UVRAG: variants seen among roughly 807,000 people sequenced by gnomAD.
UVRAG encodes UV radiation resistance associated.
A neutral mutation model predicts 78.0 loss-of-function variants in UVRAG; 19 were observed. The observed-to-expected ratio is 0.24, with a 90% CI of 0.17 to 0.36. The LOEUF is 0.36. UVRAG is among the 10% of genes least tolerant of loss of function. The probability of loss-of-function intolerance (pLI) is 1.00; values close to 1 mark genes in which losing one functional copy is unlikely to be tolerated. For missense variants in UVRAG, 740 were observed against 853.8 expected, an observed-to-expected ratio of 0.87 and a Z score of 1.66; for synonymous variants, 323 against 324.6, an observed-to-expected ratio of 1.00 and a Z score of 0.05.
At chr11:75,836,765 A>C (rs189990957) in intron 1 of UVRAG, among the ~76,000 whole-genome samples, 1 of 152,306 alleles carries the variant, frequency 6.6e-6, no homozygotes, top group East Asian at 1.9e-4. Flanking sequence ...AAAGCATTAA[A>C]CTTTAACATG....
At chr11:75,942,076 A>C (rs555260285) in intron 6 of UVRAG, 1 of 152,334 alleles carries the variant, frequency 6.6e-6, no homozygotes, top group South Asian at 2.1e-4. Context: ...TTTGAATACT[A>C]CATTGCAAAA....
intron 11 of UVRAG, chr11:76,013,168 T>C (rs1234234496): frequency 6.6e-6 from 1 of 152,148 alleles, no homozygotes; most frequent in African/African-American, 2.4e-5. Context: ...GTCCAACATA[T>C]AAATCAAAGG....
At chr11:75,823,330 G>T (rs76816357) in intron 1 of UVRAG, among the ~76,000 whole-genome samples, 3,842 of 152,210 alleles carry the variant, frequency 0.025, 152 homozygotes, top group African/African-American at 0.084. Context: ...AGTGAGATCT[G>T]TGCTCCCCCT....
intron 12 of UVRAG, among the ~76,000 whole-genome samples, chr11:76,049,231 C>T (rs146730130): frequency 6.6e-6 from 1 of 152,284 alleles, no homozygotes; most frequent in East Asian, 1.9e-4. Flanking sequence ...GGAATCTGAC[C>T]CTGAGCATGA....
rs934507475 is a variant in UVRAG at position 76,093,064 on chromosome 11, T to C, written c.1306-22860T>C. 5.3e-5 allele frequency among the ~76,000 whole-genome samples: 8 copies of C among 152,346 alleles called. No homozygotes were observed. The Middle Eastern group carries it at 0.01, about 194-fold the overall frequency. ...CAGCTTTCTACGTATGGCTAGCCAG[T>C]TTTCCCAGCACCATTTACTAAATAG... On this transcript the variant is annotated intron_variant, in intron 13 of 14. Transcript: ENST00000356136.
chr11:75,892,420 A>T (rs1947232389), intron 5 of UVRAG: 8 of 983,538 alleles, frequency 8.1e-6, no homozygotes, highest in Non-Finnish European at 8.5e-6. Flanking sequence ...AACGGGAATA[A>T]TAGCTAGTAT....
chr11:75,962,221 A>G (rs777952386), intron 7 of UVRAG, among the ~76,000 whole-genome samples: 1 of 152,136 alleles, frequency 6.6e-6, no homozygotes, highest in Admixed American at 6.5e-5. Flanking sequence ...AATAAAATTC[A>G]GATCTTCAAA....
At chr11:76,117,365 C>T (rs188999886) in intron 14 of UVRAG, among the ~76,000 whole-genome samples, 3 of 152,314 alleles carry the variant, frequency 2.0e-5, no homozygotes, top group Non-Finnish European at 4.4e-5. Flanking sequence ...TGTCTTTTCT[C>T]CACTGATGAT....
chr11:76,014,983 A>G (rs997102937), intron 11 of UVRAG, among the ~76,000 whole-genome samples: 1 of 152,196 alleles, frequency 6.6e-6, no homozygotes, highest in East Asian at 1.9e-4. Flanking sequence ...TAGTTAGAGC[A>G]TGACTCAGTA....
At chr11:75,851,157 T>G (rs1267395725) in intron 1 of UVRAG, among the ~76,000 whole-genome samples, 2 of 152,268 alleles carry the variant, frequency 1.3e-5, no homozygotes, top group Non-Finnish European at 2.9e-5. Flanking sequence ...TTTTGATATA[T>G]GAGTTGATTT....
chr11:75,851,209 C>G (rs1233376796), intron 1 of UVRAG, among the ~76,000 whole-genome samples: 2 of 152,152 alleles, frequency 1.3e-5, no homozygotes, highest in African/African-American at 4.8e-5. Context: ...TTGATTTCTA[C>G]TATTGCTTAT....
chr11:75,897,420 GA>G (rs1431475039), intron 5 of UVRAG, among the ~76,000 whole-genome samples: 1 of 152,194 alleles, frequency 6.6e-6, no homozygotes, highest in Non-Finnish European at 1.5e-5. Context: ...TTATTTTGTA[GA>G]TGGAAAAACT....
chr11:75,916,257 C>A (rs1041492384), intron 6 of UVRAG: 1 of 152,140 alleles, frequency 6.6e-6, no homozygotes, highest in Non-Finnish European at 1.5e-5. Flanking sequence ...AGACTTTGAG[C>A]AAGTAACGTC....
chr11:75,950,574 A>C (rs146610113), intron 6 of UVRAG, among the ~76,000 whole-genome samples: 70 of 152,222 alleles, frequency 4.6e-4, no homozygotes, highest in South Asian at 3.7e-3. Flanking sequence ...CTGAGAGTGA[A>C]ACTGTTGGCT....
intron 2 of UVRAG, among the ~76,000 whole-genome samples, chr11:75,856,345 TAAATGCC>T (rs985662533): frequency 6.6e-6 from 1 of 152,192 alleles, no homozygotes; most frequent in African/African-American, 2.4e-5. Context: ...CCATGAAATG[TAAATGCC>T]TGCCCTCTCC....
chr11:76,128,928 C>T (rs556049380), intron 14 of UVRAG, among the ~76,000 whole-genome samples: 69 of 152,078 alleles, frequency 4.5e-4, no homozygotes, highest in Non-Finnish European at 9.0e-4. Flanking sequence ...GATGTTTATT[C>T]TATAATTCTT....
chr11:75,943,059 T>C (rs767670379), intron 6 of UVRAG, among the ~76,000 whole-genome samples: 2 of 152,050 alleles, frequency 1.3e-5, no homozygotes, highest in Admixed American at 6.6e-5. Flanking sequence ...AGATCCTGTC[T>C]CTAAAAAATA....
chr11:75,953,315 T>C (rs945174938), intron 6 of UVRAG, among the ~76,000 whole-genome samples: 23 of 152,302 alleles, frequency 1.5e-4, no homozygotes, highest in African/African-American at 5.3e-4. Context: ...AATATCTTTC[T>C]AAAGTGCAAA....
intron 7 of UVRAG, among the ~76,000 whole-genome samples, chr11:75,969,069 T>C (rs1035982894): frequency 3.1e-4 from 47 of 152,344 alleles, no homozygotes; most frequent in African/African-American, 1.1e-3. Flanking sequence ...CAGAATGTCA[T>C]GCAACCATTA....
Sources: allele counts gnomAD v4.1 joint callset (sites outside exome capture counted in the v4.1 genomes callset), GRCh38; gene constraint gnomAD v4.1.1; transcripts MANE v1.5; gene names NCBI Gene and HGNC (gene_info 2026-07-23, HGNC 2026-07-21).